The following PIAS2 variants were observed in gnomAD, a reference collection of about 807,000 sequenced individuals.
The protein encoded by PIAS2 is protein inhibitor of activated STAT 2.
Under a neutral mutation model 69.7 loss-of-function variants are expected in PIAS2, and 19 were observed. The ratio of observed to expected loss-of-function variants is 0.27; its 90% CI spans 0.19 to 0.40. The LOEUF is 0.40. Among genes scored for constraint, PIAS2 ranks in the 10% least tolerant of loss-of-function variants. The probability of loss-of-function intolerance (pLI) is 1.00; values close to 1 mark genes in which losing one functional copy is unlikely to be tolerated. For missense variants in PIAS2, 624 were observed against 757.0 expected, an observed-to-expected ratio of 0.82 and a Z score of 2.06; for synonymous variants, 261 against 263.2, an observed-to-expected ratio of 0.99 and a Z score of 0.08.
intron 3 of PIAS2, among the ~76,000 whole-genome samples, chr18:46,862,686 CACACATATATAT>C (rs1248799187): frequency 6.6e-6 from 1 of 150,742 alleles, no homozygotes; most frequent in Non-Finnish European, 1.5e-5. Flanking sequence ...TATATACACA[CACACATATATAT>C]ACACATATAT....
intron 8 of PIAS2, among the ~76,000 whole-genome samples, chr18:46,838,477 G>A (rs909472551): frequency 6.6e-6 from 1 of 152,172 alleles, no homozygotes; most frequent in Non-Finnish European, 1.5e-5. Flanking sequence ...CTCTATCTAA[G>A]TGTCTAACCA....
Position 46,864,284 on chromosome 18 carries a change from A to G in PIAS2, c.500-36T>C, listed in dbSNP as rs373926121. ...AAAAAAAAAGAAAGATAATATTTCA[A>G]TAACAAATCCAACACTACAACCACC... On this transcript the variant is annotated intron_variant, in intron 2 of 13. Coordinates refer to ENST00000585916, the MANE Select transcript of PIAS2 (RefSeq NM_004671.5). The G allele has an allele frequency of 9.9e-6, 14 of 1,419,240 alleles. No homozygotes were observed. In the African/African-American group the frequency reaches 1.3e-4, roughly 13 times the overall value. The allele number at this position is 1,419,240 out of a possible 1,614,324, so 87.9% of individuals were successfully genotyped here.
chr18:46,842,697 A>C (rs2045599481), intron 8 of PIAS2, among the ~76,000 whole-genome samples: 1 of 152,164 alleles, frequency 6.6e-6, no homozygotes, highest in South Asian at 2.1e-4. Flanking sequence ...TAACCTGAAG[A>C]TACTGAAAAG....
At chr18:46,900,950 G>A in intron 1 of PIAS2, 2 of 330,826 alleles carry the variant, frequency 6.0e-6, no homozygotes, top group Non-Finnish European at 1.2e-5. Flanking sequence ...CTCCAGCCTG[G>A]GTGATAAGAA....
At chr18:46,832,145 G>C (rs574727190) in intron 9 of PIAS2, among the ~76,000 whole-genome samples, 3 of 151,994 alleles carry the variant, frequency 2.0e-5, no homozygotes, top group Admixed American at 6.5e-5. Context: ...GGCCAGGCAC[G>C]GTGGCTCATG....
At chr18:46,874,431 C>T (rs577952972) in intron 2 of PIAS2, among the ~76,000 whole-genome samples, 2 of 152,220 alleles carry the variant, frequency 1.3e-5, no homozygotes, top group Middle Eastern at 3.4e-3. Flanking sequence ...CTTCGCTGCA[C>T]GTCATTAAAA....
At chr18:46,834,437 C>A (rs1293566828) in intron 9 of PIAS2, among the ~76,000 whole-genome samples, 2 of 151,840 alleles carry the variant, frequency 1.3e-5, no homozygotes, top group East Asian at 3.9e-4. Context: ...ATGAGCAAGC[C>A]CATAGCAAAA....
intron 9 of PIAS2, 129 bp from the exon 10 acceptor site, chr18:46,829,996 A>G (rs1038030868): frequency 6.8e-5 from 47 of 687,702 alleles, no homozygotes; most frequent in Non-Finnish European, 1.2e-5. Context: ...TGGTATTGCA[A>G]TACTTTATAC....
chr18:46,872,470 G>C (rs1301188895), intron 2 of PIAS2, among the ~76,000 whole-genome samples: 2 of 152,158 alleles, frequency 1.3e-5, no homozygotes, highest in Non-Finnish European at 2.9e-5. Flanking sequence ...ACAGATTCTA[G>C]AACAAATTTG....
intron 1 of PIAS2, chr18:46,893,587 T>C (rs2054389685): frequency 1.7e-5 from 4 of 241,362 alleles, no homozygotes; most frequent in Non-Finnish European, 2.7e-5. Context: ...AGACTATGAA[T>C]GCGGAATCAC....
rs2040850307 is a variant in PIAS2 at position 46,809,115 on chromosome 18, G to A, written c.*3318C>T. On this transcript the variant is annotated 3_prime_UTR_variant, in exon 14 of 14. Coordinates refer to ENST00000585916, the MANE Select transcript of PIAS2 (RefSeq NM_004671.5). ...TTTTACCTTTCTTCAAATTCCTCAA[G>A]ACTAAGGAAAACTTGGTTTTATACC... 6.6e-6 allele frequency: 1 copy of A among 152,126 alleles called. No homozygotes were observed. The highest frequency in any genetic ancestry group is 2.4e-5 in the African/African-American group (1 of 41,426). The allele number at this position is 152,126 out of a possible 1,614,324, so 9.4% of individuals were successfully genotyped here. A position where few individuals can be genotyped will look rare whatever the true frequency, so the allele number is the denominator to read the frequency against.
chr18:46,882,728 T>C (rs190301265), intron 2 of PIAS2, among the ~76,000 whole-genome samples: 9 of 152,228 alleles, frequency 5.9e-5, no homozygotes, highest in African/African-American at 1.9e-4. Flanking sequence ...TATAAGATAA[T>C]AGAACTACTG....
At chr18:46,915,305 T>C (rs1568930112) in intron 1 of PIAS2, 1 of 152,326 alleles carries the variant, frequency 6.6e-6, no homozygotes, top group East Asian at 1.9e-4. Flanking sequence ...AATGGGTATA[T>C]ACCATCATCA....
At chr18:46,843,924 T>C (rs2045784465) in intron 8 of PIAS2, 130 bp downstream of exon 8, 2 of 550,124 alleles carry the variant, frequency 3.6e-6, no homozygotes, top group East Asian at 6.2e-5. Context: ...TCATGAAGAT[T>C]CCTTAATGGG....
chr18:46,817,215 T>C, intron 12 of PIAS2: 8 of 972,942 alleles, frequency 8.2e-6, no homozygotes, highest in Non-Finnish European at 9.8e-6. Flanking sequence ...ATCTCTCAGT[T>C]CATGTTAGTA....
At position 46,846,783 on chromosome 18, in the gene PIAS2, T is replaced by C; in HGVS notation, c.785A>G (p.Asn262Ser). The C allele has an allele frequency of 3.1e-6, 5 of 1,613,232 alleles. No individual in the cohort carries two copies. The highest frequency in any genetic ancestry group is 4.2e-6 in the Non-Finnish European group (5 of 1,179,558). The change falls in exon 6 of 14, where the codon AAT (asparagine) becomes AGT (serine). Residue 262 changes from asparagine (N) to serine (S), a missense_variant. Physicochemically the swap from Asn to Ser is conservative, Grantham distance 46. Around this residue, in one of 3 missense-constraint regions of PIAS2, gnomAD observed 339 missense variants for 408.8 expected, o/e 0.83. Coordinates refer to ENST00000585916, the MANE Select transcript of PIAS2 (RefSeq NM_004671.5). ...AGATAACCTAACTAAAGATGTAATA[T>C]TCAAGGGGCGTCCAGGGCGCTTCTG... Reference protein sequence around the residue: ...IEQKRPGRPLNITSLVRLSSA... With the variant: ...IEQKRPGRPLSITSLVRLSSA...
chr18:46,888,314 A>G, intron 2 of PIAS2, among the ~76,000 whole-genome samples: 1 of 152,238 alleles, frequency 6.6e-6, no homozygotes, highest in Middle Eastern at 3.4e-3. Flanking sequence ...AGATATCAAT[A>G]CTACCCAAAC....
At chr18:46,884,708 G>A (rs1256906604) in intron 2 of PIAS2, among the ~76,000 whole-genome samples, 2 of 152,114 alleles carry the variant, frequency 1.3e-5, no homozygotes. Flanking sequence ...TTGAGGTCAG[G>A]AGTTTGAGAC....
chr18:46,909,602 T>C (rs1479208433), intron 1 of PIAS2, among the ~76,000 whole-genome samples: 1 of 152,252 alleles, frequency 6.6e-6, no homozygotes, highest in African/African-American at 2.4e-5. Flanking sequence ...AGCTGAGTAA[T>C]GAAAACTTCT....
Sources: allele counts gnomAD v4.1 joint callset (sites outside exome capture counted in the v4.1 genomes callset), GRCh38; gene constraint gnomAD v4.1.1; regional missense constraint gnomAD v4.1.1; transcripts MANE v1.5; gene names NCBI Gene and HGNC (gene_info 2026-07-23, HGNC 2026-07-21).